CDAN1: variants seen among roughly 807,000 people sequenced by gnomAD.
CDAN1 encodes codanin 1, also known as codanin-1.
A neutral mutation model predicts 139.8 loss-of-function variants in CDAN1; 107 were observed. The observed-to-expected ratio is 0.77, with a 90% CI of 0.65 to 0.90. The LOEUF is 0.90. Among genes scored for constraint, CDAN1 ranks in the 40% least tolerant of loss-of-function variants. CDAN1 has a pLI of 0.00. For missense variants in CDAN1, 1,667 were observed against 1,575.7 expected, an observed-to-expected ratio of 1.06 and a Z score of -0.98; for synonymous variants, 776 against 660.6, an observed-to-expected ratio of 1.17 and a Z score of -2.68.
In CDAN1 at chr15:42,724,586, TAGAC is replaced by T; in HGVS notation, c.3585_3588del (p.Ser1196IlefsTer4). On this transcript the variant is annotated frameshift_variant, in exon 28 of 28. Coordinates refer to ENST00000356231, the MANE Select transcript of CDAN1 (RefSeq NM_138477.4). LOFTEE classifies it high-confidence loss of function. ...AGGTGGGGCTCGGCTAGAAACAGAT[TAGAC>T]AGTGTTGCTAATTCTTCAGCAAAGT... is the stretch of plus-strand genomic sequence containing the variant. 6.4e-7 allele frequency: 1 copy of T among 1,552,350 alleles called. No homozygotes were observed. Among genetic ancestry groups the T allele is most frequent in the Non-Finnish European group, 8.7e-7 (1 of 1,147,188 alleles).
At chr15:42,731,364 T>C in intron 11 of CDAN1, 33 bp from the exon 12 acceptor site, 3 of 1,611,952 alleles carry the variant, frequency 1.9e-6, no homozygotes, top group Non-Finnish European at 2.5e-6. Context: ...GCATAAGCAC[T>C]GGAAGAGGTA....
Position 42,726,354 on chromosome 15 carries a change from C to A in CDAN1, c.3160G>T (p.Glu1054Ter). Reference protein sequence around the residue: ...PDEGVSPEHLEQLLGQLGQTL... With the variant: ...PDEGVSPEHL ...TGGCCCAGCTGGCCTAGGAGCTGTT[C>A]CAGATGCTCTGGGGAGACTCCCTCG... The change falls in exon 24 of 28, where the codon GAA (glutamate) becomes TAA (stop). Residue 1054 changes from glutamate (E) to a stop codon, truncating the protein, a stop_gained. Transcript: ENST00000356231. LOFTEE classifies it high-confidence loss of function. 2 of 1,597,370 alleles carry A rather than the reference C, an allele frequency of 1.3e-6. No homozygotes were observed. Among genetic ancestry groups the A allele is most frequent in the Non-Finnish European group, 8.5e-7 (1 of 1,172,184 alleles).
rs2061692666 is a variant in CDAN1, at chr15:42,736,660, T to C, written c.211A>G (p.Thr71Ala). The change falls in exon 2 of 28, where the codon ACC becomes GCC. Residue 71 changes from threonine to alanine, a missense_variant. By Grantham distance (58) the Thr-to-Ala change is moderately conservative. Transcript: ENST00000356231. The stretch of plus-strand genomic sequence containing the variant: ...GAGGCGCCCGGGGTCTTGGCGGGGG[T>C]CGGGGGCCCCTGCGGGAGGACGCGG... The part of the protein sequence containing the change: ...SSRVLPQGPP[T>A]PAKTPGASAA... 3.3e-6 allele frequency: 5 copies of C among 1,534,150 alleles called. No individual in the cohort carries two copies. Among genetic ancestry groups the C allele is most frequent in the South Asian group, 1.2e-5 (1 of 82,276 alleles).
intron 17 of CDAN1, 71 bp downstream of exon 17, chr15:42,729,497 G>A: frequency 1.2e-6 from 2 of 1,606,412 alleles, no homozygotes; most frequent in Non-Finnish European, 1.7e-6. Flanking sequence ...AGGGAGCTGG[G>A]CCAAGGGGGT....
At chr15:42,724,711 T>C in intron 27 of CDAN1, 95 bp from the exon 28 acceptor site, 1 of 1,454,010 alleles carries the variant, frequency 6.9e-7, no homozygotes, top group Non-Finnish European at 9.3e-7. Flanking sequence ...GCTGGCTATA[T>C]TATTTTTTCT....
intron 7 of CDAN1, 79 bp downstream of exon 7, chr15:42,734,147 G>T: frequency 6.2e-7 from 1 of 1,608,174 alleles, no homozygotes; most frequent in South Asian, 1.1e-5. Flanking sequence ...CTGAAGTGTC[G>T]TCAGCAGGGT....
At chr15:42,728,555 GAAGAGAAGAAAGGGAAAA>G in intron 20 of CDAN1, 79 bp downstream of exon 20, 2 of 1,514,124 alleles carry the variant, frequency 1.3e-6, no homozygotes, top group Non-Finnish European at 9.1e-7. Context: ...AAGGAGGCAT[GAAGAGAAGAAAGGGAAAA>G]AAGAGTAAGT....
chr15:42,733,056 C>T, intron 9 of CDAN1, 41 bp downstream of exon 9: 1 of 1,568,136 alleles, frequency 6.4e-7, no homozygotes, highest in South Asian at 1.1e-5. Context: ...CACTGAGCTA[C>T]TCATTGCCAG....
chr15:42,728,728 C>CT lies in CDAN1; in HGVS notation c.2727dup (p.Asp910ArgfsTer94). ...AAGATCTCCAACAGCTGGGCTGGGT[C>CT]TCCCCCTTCCTCTCCCTGTGTCACC... is the stretch of plus-strand genomic sequence containing the variant. On this transcript the variant is annotated frameshift_variant, in exon 20 of 28. Coordinates refer to ENST00000356231, the MANE Select transcript of CDAN1 (RefSeq NM_138477.4). LOFTEE classifies it high-confidence loss of function. 2 of 1,614,190 alleles carry CT rather than the reference C, an allele frequency of 1.2e-6. No individual in the cohort carries two copies. The highest frequency in any genetic ancestry group is 1.7e-6 in the Non-Finnish European group (2 of 1,180,036).
At position 42,733,925 on chromosome 15, in the gene CDAN1, C is replaced by G. The variant is rs1223320794; in HGVS notation, c.1367+13G>C. The stretch of plus-strand genomic sequence containing the variant: ...ATCTCATTCCCTCCCCAAAAAGTCC[C>G]TTTTCTTATCACCTCTGTTTCTTAA... On this transcript the variant is annotated intron_variant, in intron 8 of 27. Transcript: ENST00000356231. 1.9e-6 allele frequency: 3 copies of G among 1,592,732 alleles called. No homozygotes were observed. In the African/African-American group the frequency reaches 4.0e-5, roughly 21 times the overall value.
chr15:42,730,089 G>A, intron 15 of CDAN1, 39 bp downstream of exon 15: 1 of 1,576,802 alleles, frequency 6.3e-7, no homozygotes, highest in Non-Finnish European at 8.7e-7. Flanking sequence ...ATCTTCAGCT[G>A]TAGAACCTCT....
In CDAN1 at chr15:42,729,191, C is replaced by T. The variant is rs200425031; in HGVS notation, c.2541+38G>A. On this transcript the variant is annotated intron_variant, in intron 18 of 27. Transcript: ENST00000356231. Reference sequence around the variant, plus strand: ...CTCCCTGTCCCCGCCCCCAACCCCCCCTCATTTTCCCCACGGCTGTCTCCG... The same window carrying T: ...CTCCCTGTCCCCGCCCCCAACCCCCTCTCATTTTCCCCACGGCTGTCTCCG... 8.7e-6 allele frequency: 14 copies of T among 1,611,494 alleles called. No homozygotes were observed. The African/African-American group carries it at 1.1e-4, about 12-fold the overall frequency.
chr15:42,728,126 C>A, intron 21 of CDAN1, 78 bp downstream of exon 21: 3 of 1,587,638 alleles, frequency 1.9e-6, no homozygotes, highest in South Asian at 1.1e-5. Context: ...CCCACACACC[C>A]TCCCGCAGCC....
chr15:42,729,717 C>T, intron 16 of CDAN1, 79 bp downstream of exon 16: 4 of 1,591,562 alleles, frequency 2.5e-6, no homozygotes, highest in Non-Finnish European at 3.4e-6. Context: ...TTACATCTGC[C>T]CCTGGCTGGG....
In CDAN1 at chr15:42,730,142, C is replaced by T. The variant is rs753473223; in HGVS notation, c.2248G>A (p.Gly750Ser). 2 of 1,614,196 alleles carry T rather than the reference C, an allele frequency of 1.2e-6. No homozygotes were observed. The highest frequency in any genetic ancestry group is 8.5e-7 in the Non-Finnish European group (1 of 1,180,026). ...ACTCTGCCCACCTGGAAAAGCCAGCCCAGGACAGCAAGTAGCAGCAGCTTG... is the reference window on the plus strand; with the variant it reads ...ACTCTGCCCACCTGGAAAAGCCAGCTCAGGACAGCAAGTAGCAGCAGCTTG... ...LNKLLLLAVL[G>S]WLFQIPTVPE... The change falls in exon 15 of 28, where the codon GGC becomes AGC. Residue 750 changes from glycine (G) to serine (S), a missense_variant. This residue lies in a region of CDAN1 where 936 missense variants were observed against 844.1 expected (regional missense o/e 1.11). Transcript: ENST00000356231.
Position 42,724,501 on chromosome 15 carries a change from G to T in CDAN1, c.3674C>A (p.Ala1225Asp). ...LVQPNRGTVL[A>D]QS ...GGCCACTTCTCAGCCCTAGCTCTGG[G>T]CCAGCACAGTGCCCCGGTTTGGCTG... Residue 1225 changes from alanine (A) to aspartate (D), a missense_variant, in exon 28 of 28, where the codon GCC becomes GAC. Ala to Asp is a moderately radical substitution (Grantham distance 126, BLOSUM62 -2). Transcript: ENST00000356231. 1 of 1,577,124 alleles carries T rather than the reference G, an allele frequency of 6.3e-7. No individual in the cohort carries two copies. Among genetic ancestry groups the T allele is most frequent in the Admixed American group, 1.8e-5 (1 of 55,190 alleles).
intron 14 of CDAN1, 22 bp downstream of exon 14, chr15:42,730,576 G>A: frequency 1.2e-6 from 2 of 1,613,632 alleles, no homozygotes; most frequent in Non-Finnish European, 1.7e-6. Flanking sequence ...CTTTCATCAA[G>A]CCTCAGCCTT....
intron 2 of CDAN1, 67 bp downstream of exon 2, chr15:42,736,235 G>C (rs552437769): frequency 1.9e-6 from 3 of 1,601,576 alleles, no homozygotes; most frequent in East Asian, 2.3e-5. Context: ...GCGGAGCGCC[G>C]AGCTCGAATG....
At chr15:42,728,115 C>A in intron 21 of CDAN1, 82 bp from the exon 22 acceptor site, 1 of 1,580,670 alleles carries the variant, frequency 6.3e-7, no homozygotes, top group East Asian at 2.2e-5. Context: ...CTGACCCCGC[C>A]CCCACACACC....
Sources: allele counts gnomAD v4.1 joint callset, GRCh38; gene constraint gnomAD v4.1.1; regional missense constraint gnomAD v4.1.1; transcripts MANE v1.5; gene names NCBI Gene and HGNC (gene_info 2026-07-23, HGNC 2026-07-21).